CNTN5: variants seen among roughly 807,000 people sequenced by gnomAD.
CNTN5 encodes the protein contactin 5, also known as contactin-5.
CNTN5 carries 77 observed loss-of-function variants against 129.1 expected under a neutral mutation model. That is an observed-to-expected ratio of 0.60 (90% confidence interval 0.50 to 0.72). The LOEUF is 0.72. Among genes scored for constraint, CNTN5 ranks in the 30% least tolerant of loss-of-function variants. The pLI is 0.00. For synonymous variants in CNTN5, 509 were observed against 465.6 expected, an observed-to-expected ratio of 1.09 and a Z score of -1.20; for missense variants, 1,478 against 1,328.8, an observed-to-expected ratio of 1.11 and a Z score of -1.75.
intron 6 of CNTN5, among the ~76,000 whole-genome samples, chr11:99,847,350 AG>A (rs1947732884): frequency 5.9e-5 from 9 of 152,252 alleles, no homozygotes; most frequent in Admixed American, 5.9e-4. Context: ...TTCAATGACC[AG>A]GCATGGGAAA....
At chr11:100,078,990 G>T (rs1463373128) in intron 13 of CNTN5, among the ~76,000 whole-genome samples, 1 of 152,124 alleles carries the variant, frequency 6.6e-6, no homozygotes, top group Non-Finnish European at 1.5e-5. Flanking sequence ...GGCAAAGCAG[G>T]TGCAAGGAAC....
intron 3 of CNTN5, among the ~76,000 whole-genome samples, chr11:99,795,371 A>T (rs1054763424): frequency 2.6e-5 from 4 of 152,126 alleles, no homozygotes; most frequent in Non-Finnish European, 5.9e-5. Flanking sequence ...CTTTCTCCTG[A>T]ATCTCAGTGA....
At position 99,733,623 on chromosome 11, in the gene CNTN5, T is replaced by C. The variant is rs139651556; in HGVS notation, c.56-85921T>C. Among the ~76,000 whole-genome samples the C allele has an allele frequency of 8.5e-5, 13 of 152,216 alleles. No homozygotes were observed. The East Asian group carries it at 2.3e-3, about 27-fold the overall frequency. ...TTAATGGTGGGCATTGTCTCCAAAA[T>C]ACTTGTTTTTAAAGATGCAAGGTGC... On this transcript the variant is annotated intron_variant, in intron 3 of 24. Transcript: ENST00000524871.
chr11:99,704,821 C>T (rs928104663), intron 3 of CNTN5, among the ~76,000 whole-genome samples: 2 of 151,050 alleles, frequency 1.3e-5, no homozygotes, highest in African/African-American at 4.8e-5. Context: ...GAAAGTTATC[C>T]CCAAGTGAAG....
At chr11:99,457,818 G>C (rs1944550724) in intron 2 of CNTN5, among the ~76,000 whole-genome samples, 1 of 151,240 alleles carries the variant, frequency 6.6e-6, no homozygotes, top group Non-Finnish European at 1.5e-5. Flanking sequence ...TTTTTAAATG[G>C]TCATGTTTAA....
At chr11:99,841,189 A>C (rs1178184463) in intron 4 of CNTN5, among the ~76,000 whole-genome samples, 1 of 152,192 alleles carries the variant, frequency 6.6e-6, no homozygotes, top group Non-Finnish European at 1.5e-5. Flanking sequence ...GAATAGGGCT[A>C]AGATGCTTTG....
intron 2 of CNTN5, among the ~76,000 whole-genome samples, chr11:99,543,720 C>A (rs1220393693): frequency 6.6e-6 from 1 of 152,028 alleles, no homozygotes; most frequent in African/African-American, 2.4e-5. Context: ...GAGTTCAAGA[C>A]CAGCCTGGCC....
intron 2 of CNTN5, among the ~76,000 whole-genome samples, chr11:99,460,370 T>C (rs1944650850): frequency 1.3e-5 from 2 of 151,850 alleles, no homozygotes; most frequent in Admixed American, 6.6e-5. Flanking sequence ...ACATTTCTCA[T>C]GAGTTAAGAA....
At chr11:100,214,324 T>C (rs1463656992) in intron 15 of CNTN5, among the ~76,000 whole-genome samples, 1 of 152,108 alleles carries the variant, frequency 6.6e-6, no homozygotes. Flanking sequence ...CCCTGAAGGG[T>C]AGGGGCATTA....
At chr11:99,257,923 C>T (rs1240742988) in intron 1 of CNTN5, among the ~76,000 whole-genome samples, 1 of 151,918 alleles carries the variant, frequency 6.6e-6, no homozygotes, top group Non-Finnish European at 1.5e-5. Context: ...AGTATCATTC[C>T]TATTTTACGC....
chr11:100,033,523 C>T (rs17094191), intron 9 of CNTN5, among the ~76,000 whole-genome samples: 1,841 of 152,216 alleles, frequency 0.012, 48 homozygotes, highest in African/African-American at 0.042. Flanking sequence ...TCACTAGGAC[C>T]CCTGTCTTCA....
At chr11:99,830,870 A>C (rs1268141728) in intron 4 of CNTN5, among the ~76,000 whole-genome samples, 1 of 152,162 alleles carries the variant, frequency 6.6e-6, no homozygotes, top group Non-Finnish European at 1.5e-5. Context: ...CAGCAGTGCA[A>C]GGTTACTGGG....
At chr11:100,076,841 A>G (rs1190108371) in intron 13 of CNTN5, among the ~76,000 whole-genome samples, 1 of 152,084 alleles carries the variant, frequency 6.6e-6, no homozygotes, top group African/African-American at 2.4e-5. Context: ...CTTACAAAAT[A>G]CCATTTTTAT....
chr11:100,303,266 T>C (rs1951269510), intron 20 of CNTN5, among the ~76,000 whole-genome samples: 1 of 151,638 alleles, frequency 6.6e-6, no homozygotes, highest in African/African-American at 2.4e-5. Flanking sequence ...TACAACACGC[T>C]AATTTTGGAA....
chr11:99,227,886 A>G (rs912558760), intron 1 of CNTN5, among the ~76,000 whole-genome samples: 1 of 152,184 alleles, frequency 6.6e-6, no homozygotes, highest in South Asian at 2.1e-4. Context: ...ACACTTAAAT[A>G]TACGTGAGTA....
At chr11:99,890,337 G>A (rs1220122215) in intron 6 of CNTN5, among the ~76,000 whole-genome samples, 1 of 151,734 alleles carries the variant, frequency 6.6e-6, no homozygotes, top group Non-Finnish European at 1.5e-5. Context: ...TCATACTGAA[G>A]TATATATATC....
intron 1 of CNTN5, among the ~76,000 whole-genome samples, chr11:99,253,465 T>C (rs2135799089): frequency 6.6e-6 from 1 of 152,234 alleles, no homozygotes; most frequent in Non-Finnish European, 1.5e-5. Context: ...TTTGTATACC[T>C]TGTTCTTTTT....
At chr11:99,216,170 C>T (rs1055912868) in intron 1 of CNTN5, among the ~76,000 whole-genome samples, 25 of 152,092 alleles carry the variant, frequency 1.6e-4, no homozygotes, top group African/African-American at 6.0e-4. Flanking sequence ...CTTCCCAGCC[C>T]TTAGTAACCA....
intron 3 of CNTN5, among the ~76,000 whole-genome samples, chr11:99,658,472 C>T (rs529561735): frequency 3.3e-4 from 50 of 152,038 alleles, no homozygotes; most frequent in Non-Finnish European, 6.2e-4. Context: ...CTGATAATTT[C>T]AGCAAGCTCT....
Sources: allele counts gnomAD v4.1 joint callset (sites outside exome capture counted in the v4.1 genomes callset), GRCh38; gene constraint gnomAD v4.1.1; transcripts MANE v1.5; gene names NCBI Gene and HGNC (gene_info 2026-07-23, HGNC 2026-07-21).